Variants in DUSP16 observed in about 807,000 individuals in gnomAD.
The protein encoded by DUSP16 is dual specificity phosphatase 16.
DUSP16 carries 21 observed loss-of-function variants against 58.3 expected under a neutral mutation model. That is an observed-to-expected ratio of 0.36 (90% CI 0.26 to 0.52). DUSP16 has a LOEUF of 0.52. Among genes scored for constraint, DUSP16 ranks in the 20% least tolerant of loss-of-function variants. The probability of loss-of-function intolerance (pLI) is 0.94; values close to 1 mark genes in which losing one functional copy is unlikely to be tolerated. For missense variants in DUSP16, 726 were observed against 819.0 expected, an observed-to-expected ratio of 0.89 and a Z score of 1.39; for synonymous variants, 320 against 323.8, an observed-to-expected ratio of 0.99 and a Z score of 0.12.
intron 5 of DUSP16, among the ~76,000 whole-genome samples, chr12:12,482,030 G>A (rs368981611): frequency 2.6e-5 from 4 of 152,308 alleles, no homozygotes; most frequent in East Asian, 3.9e-4. Context: ...GTGAGAATAT[G>A]TGTATCTTTT....
intron 1 of DUSP16, among the ~76,000 whole-genome samples, chr12:12,533,396 A>C (rs761886921): frequency 1.3e-5 from 2 of 152,232 alleles, no homozygotes; most frequent in South Asian, 2.1e-4. Flanking sequence ...CTAAGCAGAC[A>C]TGCACAACAA....
At chr12:12,481,941 G>C (rs1943576115) in intron 5 of DUSP16, among the ~76,000 whole-genome samples, 1 of 152,124 alleles carries the variant, frequency 6.6e-6, no homozygotes, top group Non-Finnish European at 1.5e-5. Context: ...TAGCAATTCA[G>C]ACTTTTTGTC....
At chr12:12,522,091 G>A (rs564180694) in intron 1 of DUSP16, among the ~76,000 whole-genome samples, 2 of 152,274 alleles carry the variant, frequency 1.3e-5, no homozygotes, top group African/African-American at 4.8e-5. Context: ...TTTTAAGGAA[G>A]AGGAAGGACA....
At chr12:12,527,482 C>A (rs929826044) in intron 1 of DUSP16, among the ~76,000 whole-genome samples, 17 of 152,000 alleles carry the variant, frequency 1.1e-4, no homozygotes, top group Non-Finnish European at 8.8e-5. Context: ...ACACAAAAAA[C>A]CACCCTCACC....
chr12:12,548,642 A>AAAAAG lies in DUSP16; in HGVS notation c.-366+13474_-366+13475insCTTTT, dbSNP rs1944683186. On this transcript the variant is annotated intron_variant, in intron 1 of 6. Transcript: ENST00000298573. Reference sequence around the variant, plus strand: ...TGAGACTCTGTCTCAAAAAAAAAAAAAAAAAGAAAAAGAAAAAGAAAAAGA... The same window carrying AAAAAG: ...TGAGACTCTGTCTCAAAAAAAAAAAAAAAAGAAAAAGAAAAAGAAAAAGAAAAAGA... 4.9e-5 allele frequency among the ~76,000 whole-genome samples: 7 copies of AAAAAG among 142,972 alleles called. No homozygotes were observed. In the South Asian group the frequency reaches 1.5e-3, roughly 31 times the overall value. 93.8% of individuals were successfully genotyped at this position (142,972 alleles called of 152,430 possible). A position where few individuals can be genotyped will look rare whatever the true frequency, so the allele number is the denominator to read the frequency against.
intron 6 of DUSP16, among the ~76,000 whole-genome samples, chr12:12,479,241 A>T (rs1310203287): frequency 6.6e-6 from 1 of 151,982 alleles, no homozygotes; most frequent in Non-Finnish European, 1.5e-5. Context: ...GGAGGAGTAG[A>T]ACTACACTGA....
intron 1 of DUSP16, among the ~76,000 whole-genome samples, chr12:12,528,585 G>GT (rs1944337786): frequency 6.6e-6 from 1 of 152,182 alleles, no homozygotes. Flanking sequence ...CAGGCCTACT[G>GT]TAACTAATTC....
At chr12:12,509,984 C>T (rs891152268) in intron 3 of DUSP16, among the ~76,000 whole-genome samples, 2 of 152,030 alleles carry the variant, frequency 1.3e-5, no homozygotes, top group South Asian at 2.1e-4. Flanking sequence ...ATAAAATTGG[C>T]GAGTGTCACT....
chr12:12,536,288 CAT>C (rs927321457), intron 1 of DUSP16, among the ~76,000 whole-genome samples: 6 of 152,236 alleles, frequency 3.9e-5, no homozygotes, highest in Non-Finnish European at 8.8e-5. Flanking sequence ...ATCTAGACTA[CAT>C]GATTGAATTA....
intron 3 of DUSP16, among the ~76,000 whole-genome samples, chr12:12,504,061 GTCTC>G (rs1943949827): frequency 1.3e-5 from 2 of 152,126 alleles, no homozygotes; most frequent in Non-Finnish European, 2.9e-5. Context: ...TTCCTTTTCA[GTCTC>G]TCTAATTGAA....
At chr12:12,478,155 G>T in intron 6 of DUSP16, 140 bp from the exon 7 acceptor site, 1 of 787,308 alleles carries the variant, frequency 1.3e-6, no homozygotes. Flanking sequence ...AGTTCGGGGA[G>T]ATGCTTCAAG....
intron 3 of DUSP16, among the ~76,000 whole-genome samples, chr12:12,502,366 G>A (rs1289357547): frequency 6.6e-6 from 1 of 152,116 alleles, no homozygotes; most frequent in Non-Finnish European, 1.5e-5. Flanking sequence ...AGAGTGGCCT[G>A]GCCTCCAACC....
At chr12:12,557,784 C>T (rs144575380) in intron 1 of DUSP16, among the ~76,000 whole-genome samples, 106 of 152,260 alleles carry the variant, frequency 7.0e-4, no homozygotes, top group African/African-American at 2.5e-3. Flanking sequence ...TGTCTTCTCC[C>T]ACTAGAATAT....
intron 5 of DUSP16, among the ~76,000 whole-genome samples, chr12:12,483,834 T>G (rs1943624161): frequency 1.3e-5 from 2 of 151,904 alleles, no homozygotes; most frequent in South Asian, 4.2e-4. Context: ...TACCCAAATC[T>G]AATCTAAATA....
intron 3 of DUSP16, among the ~76,000 whole-genome samples, chr12:12,518,116 C>T (rs1944180777): frequency 6.6e-6 from 1 of 152,176 alleles, no homozygotes; most frequent in African/African-American, 2.4e-5. Context: ...GTCTACTTGA[C>T]CGAGATGTTG....
intron 3 of DUSP16, among the ~76,000 whole-genome samples, chr12:12,513,454 A>G (rs1944106151): frequency 6.6e-6 from 1 of 152,166 alleles, no homozygotes; most frequent in African/African-American, 2.4e-5. Context: ...TTGATTCCCA[A>G]TCTAGCCTCC....
At position 12,562,571 on chromosome 12, in the gene DUSP16, G is replaced by A. The variant is rs1353147971; in HGVS notation, c.-820C>T. Among the ~76,000 whole-genome samples, 1 of 146,090 alleles carries A rather than the reference G, an allele frequency of 6.8e-6. No homozygotes were observed. Among genetic ancestry groups the A allele is most frequent in the Non-Finnish European group, 1.5e-5 (1 of 65,874 alleles). On this transcript the variant is annotated 5_prime_UTR_variant, in exon 1 of 7. Coordinates refer to ENST00000298573, the MANE Select transcript of DUSP16 (RefSeq NM_030640.3). ...AAAGAGGGGGAAAGGCGGGGGGGTG[G>A]GGTGGGGGGTTGGGGGAAAGAGAAA...
At chr12:12,560,363 T>C (rs1944879630) in intron 1 of DUSP16, among the ~76,000 whole-genome samples, 1 of 148,724 alleles carries the variant, frequency 6.7e-6, no homozygotes, top group Non-Finnish European at 1.5e-5. Flanking sequence ...TCATTTCTAA[T>C]TTTTCCCCCA....
intron 6 of DUSP16, 131 bp downstream of exon 6, chr12:12,480,080 ACCATTAAAAAAT>A: frequency 1.8e-6 from 2 of 1,125,984 alleles, no homozygotes; most frequent in Non-Finnish European, 2.5e-6. Context: ...TCTTCACAAG[ACCATTAAAAAAT>A]CCACAGTAAC....
Sources: allele counts gnomAD v4.1 joint callset (sites outside exome capture counted in the v4.1 genomes callset), GRCh38; gene constraint gnomAD v4.1.1; transcripts MANE v1.5; gene names NCBI Gene and HGNC (gene_info 2026-07-23, HGNC 2026-07-21).